Variants in SLC44A5 observed in about 807,000 individuals in gnomAD.
The protein encoded by SLC44A5 is choline transporter-like protein 5.
SLC44A5 carries 57 observed loss-of-function variants against 101.8 expected under a neutral mutation model. The ratio of observed to expected loss-of-function variants is 0.56; its 90% CI spans 0.45 to 0.70. The LOEUF (loss-of-function observed/expected upper bound fraction) is 0.70, where lower values mean the gene tolerates loss of function less well. Ranked by LOEUF, SLC44A5 falls within the 30% of genes least tolerant of loss-of-function variation. SLC44A5 has a pLI of 0.00. For synonymous variants in SLC44A5, 281 were observed against 290.9 expected, an observed-to-expected ratio of 0.97 and a Z score of 0.35; for missense variants, 737 against 853.1, an observed-to-expected ratio of 0.86 and a Z score of 1.70.
At chr1:75,482,205 G>A (rs1667905355) in intron 2 of SLC44A5, among the ~76,000 whole-genome samples, 1 of 151,434 alleles carries the variant, frequency 6.6e-6, no homozygotes, top group South Asian at 2.1e-4. Flanking sequence ...TCACTCATAG[G>A]TGGGAACTGA....
chr1:75,580,604 T>A (rs574595706), intron 1 of SLC44A5, among the ~76,000 whole-genome samples: 1 of 152,144 alleles, frequency 6.6e-6, no homozygotes, highest in African/African-American at 2.4e-5. Context: ...CTTTAGGGGC[T>A]GAGGAGGGTG....
At chr1:75,424,287 G>T (rs1427391071) in intron 2 of SLC44A5, among the ~76,000 whole-genome samples, 3 of 152,024 alleles carry the variant, frequency 2.0e-5, no homozygotes, top group Non-Finnish European at 4.4e-5. Context: ...TTTTCTCTAA[G>T]GTAGTTTTGT....
chr1:75,669,713 C>T, the SLC44A5 span, among the ~76,000 whole-genome samples: 6 of 151,678 alleles, frequency 4.0e-5, no homozygotes, highest in African/African-American at 9.7e-5. Flanking sequence ...CACACATGCA[C>T]GCACAAAAAA....
At chr1:75,242,837 GA>G (rs543720918) in intron 8 of SLC44A5, 48 bp downstream of exon 8, 74 of 1,512,274 alleles carry the variant, frequency 4.9e-5, no homozygotes, top group South Asian at 1.4e-4. Flanking sequence ...ACTTGAGATT[GA>G]AAAAAAAAGT....
chr1:75,238,448 C>A (rs560189428), intron 10 of SLC44A5, 65 bp downstream of exon 10: 6 of 1,283,622 alleles, frequency 4.7e-6, no homozygotes, highest in African/African-American at 1.5e-5. Flanking sequence ...ACCCAATAGG[C>A]GCTTTAGTCT....
At chr1:75,441,912 C>T (rs1205172973) in intron 2 of SLC44A5, among the ~76,000 whole-genome samples, 3 of 152,084 alleles carry the variant, frequency 2.0e-5, no homozygotes, top group Non-Finnish European at 4.4e-5. Flanking sequence ...ATTTGAACAA[C>T]TCAATTAGCA....
chr1:75,552,422 C>T (rs1426579050), intron 1 of SLC44A5, among the ~76,000 whole-genome samples: 2 of 151,566 alleles, frequency 1.3e-5, no homozygotes, highest in Non-Finnish European at 2.9e-5. Context: ...CAGTCACTAA[C>T]TTGCTTTACA....
At chr1:75,641,788 C>G in the SLC44A5 span, 690,366 of 1,552,372 alleles carry the variant, frequency 0.44, 163,090 homozygotes, top group East Asian at 0.92. Context: ...CTTTAGAGTG[C>G]AAAGAAAAAA....
At chr1:75,488,455 G>A (rs988147629) in intron 2 of SLC44A5, among the ~76,000 whole-genome samples, 1 of 152,112 alleles carries the variant, frequency 6.6e-6, no homozygotes, top group African/African-American at 2.4e-5. Flanking sequence ...AATATTAGGG[G>A]ATCACCATTG....
Position 75,314,114 on chromosome 1 carries a change from G to C in SLC44A5, c.102-13429C>G, listed in dbSNP as rs17096706. On this transcript the variant is annotated intron_variant, in intron 4 of 23. Transcript: ENST00000370859. The stretch of plus-strand genomic sequence containing the variant: ...ATAATCCTAACAGTCAGATACACTA[G>C]AGAAAAGTTTAAAGACGTTGGTCTT... 9.3e-3 allele frequency among the ~76,000 whole-genome samples: 1,423 copies of C among 152,214 alleles called. 32 individuals are homozygous for C. The highest frequency in any genetic ancestry group is 0.033 in the African/African-American group (1,350 of 41,526).
chr1:75,262,432 G>A (rs1650602439), intron 6 of SLC44A5, among the ~76,000 whole-genome samples: 1 of 152,164 alleles, frequency 6.6e-6, no homozygotes, highest in Non-Finnish European at 1.5e-5. Flanking sequence ...CAAGGGATGT[G>A]AAGCATCTCT....
the SLC44A5 span, among the ~76,000 whole-genome samples, chr1:75,720,671 C>T: frequency 5.9e-5 from 9 of 152,186 alleles, no homozygotes; most frequent in African/African-American, 1.4e-4. Context: ...AGATTTATTC[C>T]GAGCCAAATA....
At chr1:75,675,378 G>A in the SLC44A5 span, among the ~76,000 whole-genome samples, 1 of 152,108 alleles carries the variant, frequency 6.6e-6, no homozygotes, top group African/African-American at 2.4e-5. Flanking sequence ...TAGCAATTGT[G>A]AGTGGGAGTT....
the SLC44A5 span, among the ~76,000 whole-genome samples, chr1:75,704,333 A>C: frequency 6.6e-6 from 1 of 152,058 alleles, no homozygotes; most frequent in Non-Finnish European, 1.5e-5. Flanking sequence ...CAACAGGAAA[A>C]TAAAGCTCGG....
intron 3 of SLC44A5, among the ~76,000 whole-genome samples, chr1:75,394,344 G>T (rs2101381684): frequency 6.6e-6 from 1 of 152,316 alleles, no homozygotes; most frequent in African/African-American, 2.4e-5. Context: ...GTTGGAGTGG[G>T]TTAATGAGAG....
chr1:75,700,328 A>G, the SLC44A5 span, among the ~76,000 whole-genome samples: 23 of 152,218 alleles, frequency 1.5e-4, no homozygotes, highest in South Asian at 6.2e-4. Context: ...AGTGCAATCA[A>G]ACTAGAACTC....
At chr1:75,260,590 C>T (rs554795755) in intron 6 of SLC44A5, among the ~76,000 whole-genome samples, 85 of 152,120 alleles carry the variant, frequency 5.6e-4, no homozygotes, top group Non-Finnish European at 1.1e-3. Context: ...CTTTAACACC[C>T]CACTGTCAAT....
At chr1:75,334,405 G>A (rs1313841402) in intron 4 of SLC44A5, among the ~76,000 whole-genome samples, 1 of 152,168 alleles carries the variant, frequency 6.6e-6, no homozygotes, top group East Asian at 1.9e-4. Context: ...TTTAAAAGAC[G>A]ATTTCAGTAA....
intron 4 of SLC44A5, among the ~76,000 whole-genome samples, chr1:75,307,534 T>G (rs1483472738): frequency 1.3e-5 from 2 of 152,208 alleles, no homozygotes; most frequent in East Asian, 1.9e-4. Flanking sequence ...TACTAGTCAG[T>G]GTCAGCTGGA....
Sources: allele counts gnomAD v4.1 joint callset (sites outside exome capture counted in the v4.1 genomes callset), GRCh38; gene constraint gnomAD v4.1.1; transcripts MANE v1.5; gene names NCBI Gene and HGNC (gene_info 2026-07-23, HGNC 2026-07-21).